Variants in SLC25A21 observed in about 807,000 individuals in gnomAD.
The protein encoded by SLC25A21 is mitochondrial 2-oxodicarboxylate carrier.
Under a neutral mutation model 43.8 loss-of-function variants are expected in SLC25A21, and 47 were observed. That is an observed-to-expected ratio of 1.07 (90% CI 0.85 to 1.37). SLC25A21 has a LOEUF of 1.37. Among genes scored for constraint, SLC25A21 ranks in the 40% most tolerant of loss-of-function variants. The pLI, the probability that SLC25A21 is intolerant of heterozygous loss-of-function variation, is 0.00. For synonymous variants in SLC25A21, 131 were observed against 121.3 expected, an observed-to-expected ratio of 1.08 and a Z score of -0.52; for missense variants, 352 against 350.2, an observed-to-expected ratio of 1.00 and a Z score of -0.04.
At chr14:36,820,044 G>A (rs1302593715) in intron 2 of SLC25A21, among the ~76,000 whole-genome samples, 1 of 152,128 alleles carries the variant, frequency 6.6e-6, no homozygotes, top group African/African-American at 2.4e-5. Context: ...ATTATTTGGG[G>A]TGCTTTGGGA....
intron 1 of SLC25A21, among the ~76,000 whole-genome samples, chr14:36,980,472 T>C (rs1959994341): frequency 6.6e-6 from 1 of 152,268 alleles, no homozygotes; most frequent in Non-Finnish European, 1.5e-5. Flanking sequence ...TAAACTTCTC[T>C]TCTCGCTTCA....
At chr14:36,760,830 G>A (rs989788748) in intron 3 of SLC25A21, among the ~76,000 whole-genome samples, 1 of 151,922 alleles carries the variant, frequency 6.6e-6, no homozygotes, top group African/African-American at 2.4e-5. Context: ...CAAGGGTGGA[G>A]GGGGAAAGGG....
intron 1 of SLC25A21, among the ~76,000 whole-genome samples, chr14:36,939,644 T>C (rs979321427): frequency 6.6e-6 from 1 of 152,130 alleles, no homozygotes; most frequent in Admixed American, 6.6e-5. Flanking sequence ...TAATGCTTTT[T>C]ATATCAGAAA....
intron 1 of SLC25A21, among the ~76,000 whole-genome samples, chr14:37,148,536 T>C (rs1462677067): frequency 6.6e-6 from 1 of 152,216 alleles, no homozygotes. Context: ...GTCAAAGTAT[T>C]TGACGTCTAA....
intron 1 of SLC25A21, among the ~76,000 whole-genome samples, chr14:37,039,007 T>C (rs561269962): frequency 6.6e-6 from 1 of 152,282 alleles, no homozygotes; most frequent in South Asian, 2.1e-4. Flanking sequence ...ATAATCACAG[T>C]ATCCAAAGTT....
At position 36,885,320 on chromosome 14, in the gene SLC25A21, A is replaced by G. The variant is rs529567650; in HGVS notation, c.71-10316T>C. Among the ~76,000 whole-genome samples, 315 of 152,252 alleles carry G rather than the reference A, an allele frequency of 2.1e-3. 1 individual carries two copies. The highest frequency in any genetic ancestry group is 3.3e-3 in the Non-Finnish European group (223 of 68,006). On this transcript the variant is annotated intron_variant, in intron 1 of 9. Coordinates refer to ENST00000331299, the MANE Select transcript of SLC25A21 (RefSeq NM_030631.4). ...GTTCTCTATTCTGTTCCATTGATCA[A>G]TGTGTCTGTTTTTATGCCAGTACCA...
chr14:36,811,660 C>T (rs533030989), intron 3 of SLC25A21, among the ~76,000 whole-genome samples: 1 of 151,900 alleles, frequency 6.6e-6, no homozygotes, highest in African/African-American at 2.4e-5. Flanking sequence ...TCAAAAAAAA[C>T]CCCCAAAGCA....
At chr14:37,013,554 G>T (rs772928534) in intron 1 of SLC25A21, among the ~76,000 whole-genome samples, 2 of 152,096 alleles carry the variant, frequency 1.3e-5, no homozygotes, top group Non-Finnish European at 2.9e-5. Context: ...AACACAAATA[G>T]ACAACAAAAC....
chr14:37,169,580 AACACACACACACAC>A (rs1321339179), intron 1 of SLC25A21, among the ~76,000 whole-genome samples: 1 of 145,192 alleles, frequency 6.9e-6, no homozygotes, highest in Non-Finnish European at 1.5e-5. Flanking sequence ...AAAAGGTCAT[AACACACACACACAC>A]ACACACACAC....
At chr14:37,032,918 G>A (rs1961250031) in intron 1 of SLC25A21, among the ~76,000 whole-genome samples, 1 of 152,044 alleles carries the variant, frequency 6.6e-6, no homozygotes, top group Non-Finnish European at 1.5e-5. Context: ...ACAATGAAGA[G>A]TAAACAGGTA....
intron 3 of SLC25A21, among the ~76,000 whole-genome samples, chr14:36,786,272 G>C (rs1441057864): frequency 6.6e-6 from 1 of 152,198 alleles, no homozygotes; most frequent in Non-Finnish European, 1.5e-5. Flanking sequence ...GGTTATTCCT[G>C]TTCCCTGCTG....
At chr14:36,782,958 AAT>A (rs1491367152) in intron 3 of SLC25A21, among the ~76,000 whole-genome samples, 5 of 145,636 alleles carry the variant, frequency 3.4e-5, no homozygotes, top group Non-Finnish European at 7.7e-5. Context: ...ATAATAAAAA[AAT>A]ATAAATAAAT....
At chr14:36,747,503 C>T (rs1346553697) in intron 3 of SLC25A21, among the ~76,000 whole-genome samples, 5 of 152,232 alleles carry the variant, frequency 3.3e-5, no homozygotes, top group East Asian at 1.9e-4. Context: ...GCTAACATGA[C>T]GGCAGCTGGG....
chr14:36,696,673 T>C (rs1883037405), intron 7 of SLC25A21, among the ~76,000 whole-genome samples: 1 of 152,236 alleles, frequency 6.6e-6, no homozygotes, highest in Non-Finnish European at 1.5e-5. Flanking sequence ...CCATTTCTTC[T>C]AGATTTTCTA....
At chr14:36,839,503 A>G (rs10150217) in intron 2 of SLC25A21, among the ~76,000 whole-genome samples, 13,501 of 152,252 alleles carry the variant, frequency 0.089, 842 homozygotes, top group East Asian at 0.32. Flanking sequence ...CTATAGCATT[A>G]AGTGACACTC....
chr14:37,057,470 C>T lies in SLC25A21; in HGVS notation c.70+114811G>A, dbSNP rs17106148. Among the ~76,000 whole-genome samples, 1,384 of 152,178 alleles carry T rather than the reference C, an allele frequency of 9.1e-3. 18 individuals are homozygous for T. Among genetic ancestry groups the T allele is most frequent in the African/African-American group, 0.032 (1,319 of 41,514 alleles). ...CAATTTCTTTTGAGTTTTCTAGCTCCCTTTTCATACCCTCAACCAAAAAGT... is the reference window on the plus strand; with the variant it reads ...CAATTTCTTTTGAGTTTTCTAGCTCTCTTTTCATACCCTCAACCAAAAAGT... On this transcript the variant is annotated intron_variant, in intron 1 of 9. Transcript: ENST00000331299.
At chr14:37,115,105 A>G (rs1209162973) in intron 1 of SLC25A21, among the ~76,000 whole-genome samples, 2 of 152,100 alleles carry the variant, frequency 1.3e-5, no homozygotes, top group East Asian at 3.9e-4. Context: ...TACCATGACC[A>G]CTCAATCAAA....
In SLC25A21 at chr14:36,678,621, T is replaced by TATC. The variant is rs1882024916; in HGVS notation, c.*2034_*2036dup. The TATC allele has an allele frequency of 2.3e-6, 3 of 1,317,506 alleles. No homozygotes were observed. The highest frequency in any genetic ancestry group is 1.5e-5 in the African/African-American group (1 of 67,364). 81.6% of individuals were successfully genotyped at this position (1,317,506 alleles called of 1,614,324 possible). A position where few individuals can be genotyped will look rare whatever the true frequency, so the allele number is the denominator to read the frequency against. On this transcript the variant is annotated 3_prime_UTR_variant, in exon 10 of 10. Coordinates refer to ENST00000331299, the MANE Select transcript of SLC25A21 (RefSeq NM_030631.4). ...TGATGTAAGGTACAGAACTATTCTT[T>TATC]ATCAAATGTTTTTAGGTGGCTGTTA...
At chr14:36,823,859 A>C (rs898691512) in intron 2 of SLC25A21, among the ~76,000 whole-genome samples, 10 of 152,210 alleles carry the variant, frequency 6.6e-5, no homozygotes, top group African/African-American at 2.2e-4. Context: ...GTGAGTAAGA[A>C]GCACAAAACA....
Sources: gnomAD v4.1 joint callset for allele counts (sites outside exome capture counted in the v4.1 genomes callset) on GRCh38, gnomAD v4.1.1 for gene constraint, MANE v1.5 for transcripts, NCBI Gene and HGNC (gene_info 2026-07-23, HGNC 2026-07-21) for gene names.